PIK3CA: variants seen among roughly 807,000 people sequenced by gnomAD.
PIK3CA encodes phosphatidylinositol-4,5-bisphosphate 3-kinase catalytic subunit alpha.
PIK3CA carries 27 observed loss-of-function variants against 138.2 expected under a neutral mutation model. That is an observed-to-expected ratio of 0.20 (90% confidence interval 0.14 to 0.27). PIK3CA has a LOEUF of 0.27. Ranked by LOEUF, PIK3CA falls within the 10% of genes least tolerant of loss-of-function variation. The pLI is 1.00. For synonymous variants in PIK3CA, 358 were observed against 413.2 expected (o/e 0.87, Z 1.62); for missense variants, 544 against 1,277.4 (o/e 0.43, Z 8.75).
intron 1 of PIK3CA, among the ~76,000 whole-genome samples, chr3:179,184,841 A>G (rs1244155400): frequency 6.6e-6 from 1 of 152,202 alleles, no homozygotes; most frequent in Non-Finnish European, 1.5e-5. Context: ...AAAGTTTGGT[A>G]TGAAAGACTC....
At chr3:179,194,386 G>A (rs1724212337) in intron 1 of PIK3CA, among the ~76,000 whole-genome samples, 1 of 151,986 alleles carries the variant, frequency 6.6e-6, no homozygotes, top group African/African-American at 2.4e-5. Context: ...ACCACACCTA[G>A]CTAATTTGTT....
At chr3:179,181,875 A>G (rs1486295267) in intron 1 of PIK3CA, among the ~76,000 whole-genome samples, 1 of 152,158 alleles carries the variant, frequency 6.6e-6, no homozygotes. Context: ...TATATACCAT[A>G]GTACTAGATG....
chr3:179,160,539 A>G (rs139103141), intron 1 of PIK3CA, among the ~76,000 whole-genome samples: 116 of 152,326 alleles, frequency 7.6e-4, no homozygotes, highest in African/African-American at 2.7e-3. Flanking sequence ...GGGCTTGCTG[A>G]GCAATTGTAT....
In PIK3CA at chr3:179,239,993, CACTT is replaced by C; in HGVS notation, c.*5633_*5636del. ...TAGCAAGAAGTTTGGCCTGTGACTG[CACTT>C]ACTGTTTATGCTCATCAGAAACTGT... is the stretch of plus-strand genomic sequence containing the variant. On this transcript the variant is annotated 3_prime_UTR_variant, in exon 21 of 21. Transcript: ENST00000263967. 1 of 1,539,514 alleles carries C rather than the reference CACTT, an allele frequency of 6.5e-7. No individual in the cohort carries two copies. Among genetic ancestry groups the C allele is most frequent in the South Asian group, 1.2e-5 (1 of 83,164 alleles).
chr3:179,161,462 C>T (rs977966185), intron 1 of PIK3CA, among the ~76,000 whole-genome samples: 3 of 151,474 alleles, frequency 2.0e-5, no homozygotes, highest in South Asian at 2.1e-4. Context: ...TTTGGGAGGC[C>T]GAGGCGGGCA....
At chr3:179,227,496 G>A (rs1408971549) in intron 17 of PIK3CA, among the ~76,000 whole-genome samples, 2 of 151,956 alleles carry the variant, frequency 1.3e-5, no homozygotes, top group Admixed American at 1.3e-4. Flanking sequence ...GAGTACTAGA[G>A]GAAGTGATTG....
intron 1 of PIK3CA, among the ~76,000 whole-genome samples, chr3:179,173,796 G>A (rs1007032071): frequency 1.3e-5 from 2 of 151,920 alleles, no homozygotes; most frequent in East Asian, 2.0e-4. Context: ...GCACAATCTC[G>A]GCACACTGCA....
intron 1 of PIK3CA, among the ~76,000 whole-genome samples, chr3:179,196,417 A>G (rs978237396): frequency 6.6e-6 from 1 of 152,196 alleles, no homozygotes; most frequent in Non-Finnish European, 1.5e-5. Context: ...AGTCACTTCT[A>G]TAATTGTTCA....
At chr3:179,175,157 G>A (rs1576920689) in intron 1 of PIK3CA, among the ~76,000 whole-genome samples, 2 of 152,168 alleles carry the variant, frequency 1.3e-5, no homozygotes, top group Non-Finnish European at 1.5e-5. Flanking sequence ...TTCTATAGGA[G>A]CTTATCCTCT....
intron 1 of PIK3CA, among the ~76,000 whole-genome samples, chr3:179,158,626 A>G (rs900424224): frequency 1.3e-5 from 2 of 152,078 alleles, no homozygotes; most frequent in African/African-American, 4.8e-5. Context: ...TCTACTTGCT[A>G]TGAAGTCTTT....
intron 1 of PIK3CA, among the ~76,000 whole-genome samples, chr3:179,197,694 C>G (rs773922139): frequency 2.0e-5 from 3 of 152,094 alleles, no homozygotes; most frequent in Non-Finnish European, 4.4e-5. Context: ...TTATCTGGGC[C>G]TTTTTGATTC....
intron 15 of PIK3CA, 80 bp downstream of exon 15, chr3:179,224,267 G>T: frequency 2.9e-6 from 2 of 687,992 alleles, no homozygotes; most frequent in South Asian, 1.9e-5. Flanking sequence ...AAAAATGTCT[G>T]TTATAATTAG....
intron 3 of PIK3CA, 121 bp downstream of exon 3, chr3:179,200,020 A>G: frequency 3.5e-6 from 2 of 572,356 alleles, no homozygotes; most frequent in South Asian, 5.2e-5. Context: ...GAAGGCAGGG[A>G]CTGCTTATAC....
chr3:179,185,281 G>C (rs1303076859), intron 1 of PIK3CA, among the ~76,000 whole-genome samples: 1 of 152,164 alleles, frequency 6.6e-6, no homozygotes, highest in Non-Finnish European at 1.5e-5. Flanking sequence ...GCTTCTTACA[G>C]ATCTTTAAAA....
At position 179,210,531 on chromosome 3, in the gene PIK3CA, G is replaced by A. The variant is rs1220116506; in HGVS notation, c.1505G>A (p.Arg502Gln). 5.6e-6 allele frequency: 9 copies of A among 1,613,846 alleles called. No individual in the cohort carries two copies. Among genetic ancestry groups the A allele is most frequent in the East Asian group, 2.2e-5 (1 of 44,864 alleles). Residue 502 changes from arginine to glutamine, a missense_variant, in exon 9 of 21, where the codon CGA becomes CAA. Arg to Gln is a conservative substitution (Grantham distance 43). Around this residue, in one of 14 missense-constraint regions of PIK3CA, gnomAD observed 52 missense variants for 83.4 expected, o/e 0.62. Coordinates refer to ENST00000263967, the MANE Select transcript of PIK3CA (RefSeq NM_006218.4). ...GAGCATGCCAATTGGTCTGTATCCC[G>A]AGAAGCAGGATTTAGCTATTCCCAC... ...IEEHANWSVS[R>Q]EAGFSYSHAG... is the part of the protein sequence containing the mutation.
rs1165547628 is a variant in PIK3CA at position 179,229,383 on chromosome 3, A to T, written c.2607A>T (p.Ala869=). 1.9e-6 allele frequency: 3 copies of T among 1,613,188 alleles called. No individual in the cohort carries two copies. In the African/African-American group the frequency reaches 4.0e-5, roughly 22 times the overall value. Residue 869 remains alanine, a synonymous_variant, in exon 18 of 21, where the codon GCA becomes GCT. Coordinates refer to ENST00000263967, the MANE Select transcript of PIK3CA (RefSeq NM_006218.4). The part of the protein sequence containing the change: ...QIQCKGGLKG[A]LQFNSHTLHQ... The stretch of plus-strand genomic sequence containing the variant: ...AGTGCAAAGGCGGCTTGAAAGGTGC[A>T]CTGCAGTTCAACAGCCACACACTAC...
intron 1 of PIK3CA, among the ~76,000 whole-genome samples, chr3:179,186,714 AAACC>A (rs1723990984): frequency 6.6e-6 from 1 of 152,234 alleles, no homozygotes; most frequent in African/African-American, 2.4e-5. Context: ...GTAAAGAGTT[AAACC>A]ATCAGGACCT....
chr3:179,226,822 G>C (rs1402635951), intron 17 of PIK3CA, among the ~76,000 whole-genome samples: 1 of 152,116 alleles, frequency 6.6e-6, no homozygotes, highest in African/African-American at 2.4e-5. Context: ...CATTTCAGGT[G>C]ACCTGCTAAG....
chr3:179,199,679 T>C lies in PIK3CA; in HGVS notation c.353-11T>C. 6.3e-7 allele frequency: 1 copy of C among 1,583,364 alleles called. No individual in the cohort carries two copies. Among genetic ancestry groups the C allele is most frequent in the South Asian group, 1.1e-5 (1 of 90,304 alleles). ...ATAGAATGTTATATTCTTTATGTAA[T>C]TTTATTAAAGGTTTTGCTATCGGCA... is the stretch of plus-strand genomic sequence containing the variant. On this transcript the variant is annotated splice_polypyrimidine_tract_variant and intron_variant, in intron 2 of 20. Coordinates refer to ENST00000263967, the MANE Select transcript of PIK3CA (RefSeq NM_006218.4).
Sources: gnomAD v4.1 joint callset for allele counts (sites outside exome capture counted in the v4.1 genomes callset) on GRCh38, gnomAD v4.1.1 for gene constraint, gnomAD v4.1.1 regional missense constraint, MANE v1.5 for transcripts, NCBI Gene and HGNC (gene_info 2026-07-23, HGNC 2026-07-21) for gene names.